COG2: variants seen among roughly 807,000 people sequenced by gnomAD.
COG2 encodes component of oligomeric golgi complex 2, also known as conserved oligomeric Golgi complex subunit 2.
In COG2, 52 loss-of-function variants were observed where a neutral mutation model predicts 90.6. The ratio of observed to expected loss-of-function variants is 0.57; its 90% CI spans 0.46 to 0.72. The LOEUF is 0.72. Ranked by LOEUF, COG2 falls within the 30% of genes least tolerant of loss-of-function variation. COG2 has a pLI of 0.00. For missense variants in COG2, 829 were observed against 891.2 expected, an observed-to-expected ratio of 0.93 and a Z score of 0.89; for synonymous variants, 337 against 320.4, an observed-to-expected ratio of 1.05 and a Z score of -0.55.
At chr1:230,692,802 T>C (rs1571968116) in intron 17 of COG2, among the ~76,000 whole-genome samples, 1 of 151,506 alleles carries the variant, frequency 6.6e-6, no homozygotes, top group African/African-American at 2.4e-5. Flanking sequence ...ATTGTCGTTT[T>C]TAAACAAAAG....
At chr1:230,675,904 C>G (rs1016856276) in intron 9 of COG2, among the ~76,000 whole-genome samples, 8 of 152,126 alleles carry the variant, frequency 5.3e-5, no homozygotes, top group African/African-American at 1.9e-4. Context: ...CTCCTTCCCC[C>G]TCAACCTTCC....
At chr1:230,666,071 A>G (rs1021736992) in intron 5 of COG2, among the ~76,000 whole-genome samples, 2 of 152,094 alleles carry the variant, frequency 1.3e-5, no homozygotes, top group East Asian at 1.9e-4. Flanking sequence ...TTATCTGCAG[A>G]CGAACTTCTG....
At chr1:230,649,291 T>G (rs1661859480) in intron 1 of COG2, among the ~76,000 whole-genome samples, 1 of 152,114 alleles carries the variant, frequency 6.6e-6, no homozygotes, top group African/African-American at 2.4e-5. Flanking sequence ...ACTAACTGGG[T>G]CATGTGTCAA....
At position 230,685,296 on chromosome 1, in the gene COG2, A is replaced by G. The variant is rs979541704; in HGVS notation, c.1380+60A>G. The stretch of plus-strand genomic sequence containing the variant: ...TACTGATAAAAATTAAAGATATGTT[A>G]GGCTAACTCCCTAAGATTTTTGTAA... On this transcript the variant is annotated intron_variant, in intron 12 of 17. Coordinates refer to ENST00000366669, the MANE Select transcript of COG2 (RefSeq NM_007357.3). 5.1e-6 allele frequency: 8 copies of G among 1,570,874 alleles called. No individual in the cohort carries two copies. In the East Asian group the frequency reaches 1.8e-4, roughly 35 times the overall value.
In COG2 at chr1:230,645,700, C is replaced by T. The variant is rs118042357; in HGVS notation, c.72+3022C>T. Among the ~76,000 whole-genome samples, 287 of 152,182 alleles carry T rather than the reference C, an allele frequency of 1.9e-3. 7 individuals are homozygous for T. The East Asian group carries it at 0.042, about 22-fold the overall frequency. ...ATAATGAAATAGTTATAAAATTCAC[C>T]GTAATGTAGAATCAGTGGGAGCTCT... On this transcript the variant is annotated intron_variant, in intron 1 of 17. Transcript: ENST00000366669.
At chr1:230,688,320 T>A in intron 14 of COG2, 100 bp from the exon 15 acceptor site, 1 of 1,430,950 alleles carries the variant, frequency 7.0e-7, no homozygotes, top group Admixed American at 2.0e-5. Flanking sequence ...TTTGATCTGA[T>A]TTATTATAGT....
intron 1 of COG2, among the ~76,000 whole-genome samples, chr1:230,650,397 TGATTGGTGTTA>T (rs1661884487): frequency 6.6e-6 from 1 of 152,232 alleles, no homozygotes; most frequent in Non-Finnish European, 1.5e-5. Flanking sequence ...AAAGCTGTTC[TGATTGGTGTTA>T]GATGGTATCT....
At chr1:230,659,140 A>T (rs1662126660) in intron 1 of COG2, among the ~76,000 whole-genome samples, 1 of 152,118 alleles carries the variant, frequency 6.6e-6, no homozygotes, top group African/African-American at 2.4e-5. Flanking sequence ...TACATTGAAC[A>T]TTTGTTACTT....
Position 230,686,915 on chromosome 1 carries a change from T to A in COG2, c.1381-20T>A. 6.8e-7 allele frequency: 1 copy of A among 1,470,212 alleles called. No homozygotes were observed. The highest frequency in any genetic ancestry group is 9.1e-7 in the Non-Finnish European group (1 of 1,094,482). 91.1% of individuals were successfully genotyped at this position (1,470,212 alleles called of 1,614,324 possible). ...ATCTTGCTAGTGTGAAAGTAGTTAA[T>A]CAGTGAAATCCTTTTTCAGCTTTCA... On this transcript the variant is annotated intron_variant, in intron 12 of 17. Transcript: ENST00000366669.
intron 1 of COG2, among the ~76,000 whole-genome samples, chr1:230,654,397 GT>G (rs779799746): frequency 6.6e-6 from 1 of 152,052 alleles, no homozygotes; most frequent in Non-Finnish European, 1.5e-5. Flanking sequence ...TTTGTGTCAG[GT>G]TTGTCAAAGA....
rs1449583205 is a variant in COG2 at position 230,668,609 on chromosome 1, G to A, written c.486-67G>A. ...GTATGAAAGTCTCTCACTGCCAGGC[G>A]TGTGATGTATTCTCGTGGAAATAGA... On this transcript the variant is annotated intron_variant, in intron 5 of 17. Coordinates refer to ENST00000366669, the MANE Select transcript of COG2 (RefSeq NM_007357.3). The A allele has an allele frequency of 3.4e-5, 32 of 930,320 alleles. No individual in the cohort carries two copies. In the Middle Eastern group the frequency reaches 2.0e-3, roughly 57 times the overall value. The allele number at this position is 930,320 out of a possible 1,614,324, so 57.6% of individuals were successfully genotyped here.
At chr1:230,687,267 C>T (rs1281012381) in intron 13 of COG2, 135 bp downstream of exon 13, 16 of 598,804 alleles carry the variant, frequency 2.7e-5, no homozygotes, top group African/African-American at 3.7e-5. Context: ...AAGAGAGAAC[C>T]TCTCACTCAC....
At chr1:230,654,421 A>T (rs949936699) in intron 1 of COG2, among the ~76,000 whole-genome samples, 1 of 152,136 alleles carries the variant, frequency 6.6e-6, no homozygotes, top group African/African-American at 2.4e-5. Flanking sequence ...AGATGGTTGT[A>T]GATGTGTGGT....
intron 1 of COG2, among the ~76,000 whole-genome samples, chr1:230,655,086 A>C (rs1436684399): frequency 2.0e-5 from 3 of 152,078 alleles, no homozygotes; most frequent in Non-Finnish European, 4.4e-5. Flanking sequence ...AATACCCTTT[A>C]TTTCTTTCTC....
chr1:230,686,888 G>A (rs1558279894), intron 12 of COG2, 47 bp from the exon 13 acceptor site: 1 of 1,237,760 alleles, frequency 8.1e-7, no homozygotes, highest in Non-Finnish European at 1.1e-6. Context: ...AAATGCTCAT[G>A]TATCTTGCTA....
Position 230,642,511 on chromosome 1 carries a change from T to C in COG2, c.-96T>C. Reference sequence around the variant, plus strand: ...GGCGGAAGCGGACCCCCCTGTGCCGTGGAAACTGGCGGTGGCCGCGGCCGC... The same window carrying C: ...GGCGGAAGCGGACCCCCCTGTGCCGCGGAAACTGGCGGTGGCCGCGGCCGC... On this transcript the variant is annotated 5_prime_UTR_variant, in exon 1 of 18. Transcript: ENST00000366669. 2 of 1,261,334 alleles carry C rather than the reference T, an allele frequency of 1.6e-6. No individual in the cohort carries two copies. The highest frequency in any genetic ancestry group is 1.5e-5 in the African/African-American group (1 of 67,330). 78.1% of individuals were successfully genotyped at this position (1,261,334 alleles called of 1,614,324 possible).
At chr1:230,660,894 A>T in intron 3 of COG2, 71 bp downstream of exon 3, 6 of 1,046,782 alleles carry the variant, frequency 5.7e-6, no homozygotes, top group Non-Finnish European at 8.2e-6. Context: ...TCCAAAAAAA[A>T]ATTCCTTTAA....
intron 10 of COG2, chr1:230,682,658 G>A (rs1662779432): frequency 6.6e-6 from 1 of 152,132 alleles, no homozygotes; most frequent in African/African-American, 2.4e-5. Flanking sequence ...AGCTCAGTCT[G>A]TGAACCGCTT....
At chr1:230,651,113 T>C (rs1237321081) in intron 1 of COG2, among the ~76,000 whole-genome samples, 1 of 152,064 alleles carries the variant, frequency 6.6e-6, no homozygotes, top group African/African-American at 2.4e-5. Flanking sequence ...AGACTGAACA[T>C]GTTTTGAGTG....
Sources: gnomAD v4.1 joint callset for allele counts (sites outside exome capture counted in the v4.1 genomes callset) on GRCh38, gnomAD v4.1.1 for gene constraint, MANE v1.5 for transcripts, NCBI Gene and HGNC (gene_info 2026-07-23, HGNC 2026-07-21) for gene names.